Variants in PLCH1 observed in about 807,000 individuals in gnomAD.
The protein encoded by PLCH1 is phospholipase C eta 1.
PLCH1 carries 60 observed loss-of-function variants against 126.7 expected under a neutral mutation model. The ratio of observed to expected loss-of-function variants is 0.47; its 90% CI spans 0.38 to 0.59. The LOEUF (loss-of-function observed/expected upper bound fraction) is 0.59. Ranked by LOEUF, PLCH1 falls within the 20% of genes least tolerant of loss-of-function variation. PLCH1 has a pLI of 0.00. For missense variants in PLCH1, 1,723 were observed against 2,040.0 expected (o/e 0.84, Z 2.99); for synonymous variants, 719 against 734.9 (o/e 0.98, Z 0.35).
Position 155,485,423 on chromosome 3 carries a change from A to G in PLCH1, c.2907T>C (p.Leu969=), listed in dbSNP as rs1695022498. The G allele has an allele frequency of 4.3e-6, 7 of 1,611,654 alleles. No homozygotes were observed. Among genetic ancestry groups the G allele is most frequent in the Non-Finnish European group, 5.9e-6 (7 of 1,177,832 alleles). The change falls in exon 22 of 23, where the codon CTT becomes CTC. Residue 969 remains leucine, a synonymous_variant. Transcript: ENST00000460012. ...ATACAGGCAGCGACAAAGCTCCCAG[A>G]AGGTTTCTGTCAACAGGCATAGAGA... ...RPVSMPVDRN[L]LGALSLPVSE...
intron 8 of PLCH1, among the ~76,000 whole-genome samples, chr3:155,559,757 C>T (rs575741598): frequency 6.6e-6 from 1 of 152,118 alleles, no homozygotes; most frequent in East Asian, 1.9e-4. Flanking sequence ...ACATACAGAG[C>T]CAAGTAGCTT....
chr3:155,514,946 C>A (rs1271468050), intron 11 of PLCH1, 62 bp from the exon 12 acceptor site: 4 of 1,141,530 alleles, frequency 3.5e-6, no homozygotes, highest in Middle Eastern at 2.9e-4. Context: ...AGAATATACC[C>A]TTTGATCAAG....
intron 18 of PLCH1, among the ~76,000 whole-genome samples, chr3:155,491,116 G>C (rs1279579140): frequency 1.3e-5 from 2 of 152,184 alleles, no homozygotes; most frequent in East Asian, 3.9e-4. Context: ...TACAACTTTA[G>C]TTCAGGGCAA....
At chr3:155,708,670 G>A (rs117442) in intron 1 of PLCH1, among the ~76,000 whole-genome samples, 56,775 of 152,044 alleles carry the variant, frequency 0.37, 11,203 homozygotes, top group South Asian at 0.55. Flanking sequence ...CTTGTATCCA[G>A]TTTGAAGTTG....
intron 6 of PLCH1, among the ~76,000 whole-genome samples, chr3:155,575,565 A>C (rs538279103): frequency 6.6e-6 from 1 of 152,368 alleles, no homozygotes; most frequent in Non-Finnish European, 1.5e-5. Context: ...AACTATCCAC[A>C]TGCATATTTC....
At chr3:155,666,111 T>C (rs1382409583) in intron 2 of PLCH1, among the ~76,000 whole-genome samples, 1 of 152,210 alleles carries the variant, frequency 6.6e-6, no homozygotes, top group Non-Finnish European at 1.5e-5. Flanking sequence ...CAAAAATTAT[T>C]GCAATAAACT....
chr3:155,550,223 A>C lies in PLCH1; in HGVS notation c.1191-265T>G, dbSNP rs113854210. 1.0e-3 allele frequency among the ~76,000 whole-genome samples: 154 copies of C among 152,344 alleles called. 3 individuals carry two copies. Among genetic ancestry groups the C allele is most frequent in the African/African-American group, 3.6e-3 (151 of 41,574 alleles). On this transcript the variant is annotated intron_variant, in intron 9 of 22. Coordinates refer to ENST00000460012, the MANE Select transcript of PLCH1 (RefSeq NM_014996.4). ...TTTCTAATATTTTGCATCAGGAAAC[A>C]ATGGTAGATATATTATGTTTCTTTT...
At position 155,742,953 on chromosome 3, in the gene PLCH1, A is replaced by T. The variant is rs1003822886; in HGVS notation, c.-41+1887T>A. Reference sequence around the variant, plus strand: ...TGTAGCGAGACAGTACTCACGTATTACTTCATCCAAGGTATTTTATGCCAC... The same window carrying T: ...TGTAGCGAGACAGTACTCACGTATTTCTTCATCCAAGGTATTTTATGCCAC... On this transcript the variant is annotated intron_variant, in intron 1 of 22. Transcript: ENST00000460012. 53 of 219,018 alleles carry T rather than the reference A, an allele frequency of 2.4e-4. No individual in the cohort carries two copies. The Admixed American group carries it at 2.7e-3, about 11-fold the overall frequency. 13.6% of individuals were successfully genotyped at this position (219,018 alleles called of 1,614,324 possible).
intron 12 of PLCH1, among the ~76,000 whole-genome samples, chr3:155,514,207 G>A (rs1369041408): frequency 3.9e-5 from 6 of 152,192 alleles, no homozygotes; most frequent in Non-Finnish European, 8.8e-5. Context: ...TCTAAGTTTA[G>A]AAACTAAATG....
intron 2 of PLCH1, among the ~76,000 whole-genome samples, chr3:155,614,245 G>A (rs551963536): frequency 4.6e-5 from 7 of 151,920 alleles, no homozygotes; most frequent in East Asian, 3.9e-4. Flanking sequence ...CAAGTTCAAC[G>A]CAATGCCCAT....
At chr3:155,503,455 A>G (rs1276610950) in intron 13 of PLCH1, among the ~76,000 whole-genome samples, 1 of 151,044 alleles carries the variant, frequency 6.6e-6, no homozygotes, top group East Asian at 1.9e-4. Context: ...CACAATTTTT[A>G]CTCATTCTAT....
intron 2 of PLCH1, among the ~76,000 whole-genome samples, chr3:155,607,874 G>C (rs1446525241): frequency 6.6e-6 from 1 of 152,172 alleles, no homozygotes; most frequent in Non-Finnish European, 1.5e-5. Flanking sequence ...GTGAAATTCT[G>C]CTCCAAGAAC....
chr3:155,588,790 T>C (rs953478214), intron 4 of PLCH1, among the ~76,000 whole-genome samples: 9 of 152,184 alleles, frequency 5.9e-5, no homozygotes, highest in African/African-American at 2.2e-4. Context: ...ACTGCTTACT[T>C]GGCCTTGTGA....
chr3:155,697,043 A>T (rs913719675), intron 2 of PLCH1, among the ~76,000 whole-genome samples: 1 of 152,220 alleles, frequency 6.6e-6, no homozygotes, highest in Non-Finnish European at 1.5e-5. Context: ...GTTGCAGAAG[A>T]TAAATGACCT....
intron 1 of PLCH1, chr3:155,743,658 A>C: frequency 2.6e-6 from 1 of 389,578 alleles, no homozygotes; most frequent in South Asian, 1.9e-5. Flanking sequence ...CAACTGAAAA[A>C]AACTACCGCC....
chr3:155,653,328 GT>G (rs933108472), intron 2 of PLCH1, among the ~76,000 whole-genome samples: 7 of 152,136 alleles, frequency 4.6e-5, no homozygotes, highest in Non-Finnish European at 8.8e-5. Context: ...TGACCACCTA[GT>G]TTTTGTTTCG....
chr3:155,483,921 T>C (rs967996085), intron 22 of PLCH1, among the ~76,000 whole-genome samples: 11 of 152,256 alleles, frequency 7.2e-5, no homozygotes, highest in Admixed American at 2.6e-4. Flanking sequence ...AAAAAGAACT[T>C]GTTCAACTTG....
At chr3:155,652,337 A>G (rs917956980) in intron 2 of PLCH1, among the ~76,000 whole-genome samples, 4 of 152,236 alleles carry the variant, frequency 2.6e-5, no homozygotes, top group Non-Finnish European at 5.9e-5. Flanking sequence ...AGAAGCCAGC[A>G]TCACATAGAC....
chr3:155,642,178 T>A (rs1739474510), intron 2 of PLCH1, among the ~76,000 whole-genome samples: 1 of 152,216 alleles, frequency 6.6e-6, no homozygotes, highest in Admixed American at 6.5e-5. Flanking sequence ...TACCAAGGCA[T>A]AAATAAGCTA....
Sources: allele counts gnomAD v4.1 joint callset (sites outside exome capture counted in the v4.1 genomes callset), GRCh38; gene constraint gnomAD v4.1.1; transcripts MANE v1.5; gene names NCBI Gene and HGNC (gene_info 2026-07-23, HGNC 2026-07-21).